The following TMEM132D variants were observed in gnomAD, a reference collection of about 807,000 sequenced individuals.
TMEM132D encodes transmembrane protein 132D.
Under a neutral mutation model 62.3 loss-of-function variants are expected in TMEM132D, and 21 were observed. That is an observed-to-expected ratio of 0.34 (90% confidence interval 0.24 to 0.49). TMEM132D has a LOEUF of 0.49. Among genes scored for constraint, TMEM132D ranks in the 20% least tolerant of loss-of-function variants. The pLI, the probability that TMEM132D is intolerant of heterozygous loss-of-function variation, is 0.99. For synonymous variants in TMEM132D, 621 were observed against 575.6 expected (o/e 1.08, Z -1.13); for missense variants, 1,346 against 1,402.8 (o/e 0.96, Z 0.65).
At chr12:129,846,629 G>C (rs975712102) in intron 1 of TMEM132D, among the ~76,000 whole-genome samples, 2 of 152,116 alleles carry the variant, frequency 1.3e-5, no homozygotes, top group East Asian at 3.9e-4. Flanking sequence ...TCTGTGGCTT[G>C]ATGTTGCTCA....
chr12:129,546,798 C>A (rs1423990187), intron 2 of TMEM132D, among the ~76,000 whole-genome samples: 1 of 149,188 alleles, frequency 6.7e-6, no homozygotes, highest in African/African-American at 2.5e-5. Context: ...GATACTCCGT[C>A]TCAAAAAAAA....
rs868316544 is a variant in TMEM132D at position 129,387,856 on chromosome 12, C to T, written c.1116-50039G>A. Among the ~76,000 whole-genome samples, 386 of 108,836 alleles carry T rather than the reference C, an allele frequency of 3.5e-3. 3 individuals carry two copies. The highest frequency in any genetic ancestry group is 0.013 in the African/African-American group (361 of 27,382). 71.4% of individuals were successfully genotyped at this position (108,836 alleles called of 152,430 possible). A position where few individuals can be genotyped will look rare whatever the true frequency, so the allele number is the denominator to read the frequency against. The stretch of plus-strand genomic sequence containing the variant: ...CTAACACCGACATCAATACTAACAC[C>T]AACACCAATCCAGCACTGATAATAA... On this transcript the variant is annotated intron_variant, in intron 3 of 8. Coordinates refer to ENST00000422113, the MANE Select transcript of TMEM132D (RefSeq NM_133448.3).
intron 1 of TMEM132D, among the ~76,000 whole-genome samples, chr12:129,822,002 A>T (rs190811862): frequency 2.0e-5 from 3 of 152,300 alleles, no homozygotes; most frequent in African/African-American, 7.2e-5. Context: ...ATAATAGTGC[A>T]AAAGACAGAC....
At chr12:129,328,318 C>A (rs1371163131) in intron 4 of TMEM132D, among the ~76,000 whole-genome samples, 1 of 152,228 alleles carries the variant, frequency 6.6e-6, no homozygotes, top group Non-Finnish European at 1.5e-5. Context: ...GTGCCCAGCA[C>A]AAAGTGAGCT....
At chr12:129,091,227 C>T (rs548554792) in intron 5 of TMEM132D, among the ~76,000 whole-genome samples, 2 of 149,524 alleles carry the variant, frequency 1.3e-5, no homozygotes, top group South Asian at 2.1e-4. Flanking sequence ...CTTCCGTTCA[C>T]TTGGGCTCTG....
At chr12:129,778,763 T>C (rs1332786634) in intron 1 of TMEM132D, among the ~76,000 whole-genome samples, 1 of 152,168 alleles carries the variant, frequency 6.6e-6, no homozygotes, top group Non-Finnish European at 1.5e-5. Flanking sequence ...ATAATCCTAA[T>C]ACTGTGGTGC....
intron 4 of TMEM132D, among the ~76,000 whole-genome samples, chr12:129,264,451 C>G (rs1003520240): frequency 1.3e-5 from 2 of 152,190 alleles, no homozygotes; most frequent in African/African-American, 2.4e-5. Context: ...GATCAGGGAA[C>G]ACTTCTACAC....
chr12:129,134,101 T>C (rs1412178007), intron 5 of TMEM132D, among the ~76,000 whole-genome samples: 1 of 136,554 alleles, frequency 7.3e-6, no homozygotes, highest in African/African-American at 2.7e-5. Context: ...TGTGTGTGTG[T>C]TGTGTGTCTG....
intron 4 of TMEM132D, among the ~76,000 whole-genome samples, chr12:129,278,153 T>C (rs1244646789): frequency 6.6e-6 from 1 of 152,186 alleles, no homozygotes; most frequent in African/African-American, 2.4e-5. Context: ...AAACGATGAA[T>C]GTGCATTGAT....
chr12:129,797,250 G>C (rs1212889664), intron 1 of TMEM132D, among the ~76,000 whole-genome samples: 1 of 152,110 alleles, frequency 6.6e-6, no homozygotes, highest in Non-Finnish European at 1.5e-5. Flanking sequence ...CTCCCGGGAG[G>C]GCTACCCACA....
At chr12:129,735,790 G>C (rs1342930701) in intron 1 of TMEM132D, among the ~76,000 whole-genome samples, 1 of 151,976 alleles carries the variant, frequency 6.6e-6, no homozygotes, top group African/African-American at 2.4e-5. Context: ...GTGAGGGGAG[G>C]GTATCAAGGA....
intron 3 of TMEM132D, among the ~76,000 whole-genome samples, chr12:129,523,201 A>G (rs1208327798): frequency 6.6e-6 from 1 of 152,220 alleles, no homozygotes. Flanking sequence ...AGTTTTCTAC[A>G]TGGAATGTCA....
rs80026775 is a variant in TMEM132D, at chr12:129,562,946, C to A, written c.969-31741G>T. On this transcript the variant is annotated intron_variant, in intron 2 of 8. Coordinates refer to ENST00000422113, the MANE Select transcript of TMEM132D (RefSeq NM_133448.3). ...CTCCAGTAGAACTCTGTAGATAATT[C>A]TATTACGGCACCTACCATCTTGTGC... Among the ~76,000 whole-genome samples the A allele has an allele frequency of 5.3e-3, 800 of 152,300 alleles. 5 individuals are homozygous for A. The highest frequency in any genetic ancestry group is 0.018 in the African/African-American group (765 of 41,570).
intron 2 of TMEM132D, among the ~76,000 whole-genome samples, chr12:129,646,833 C>A (rs1232235748): frequency 7.1e-6 from 1 of 140,076 alleles, no homozygotes; most frequent in African/African-American, 2.7e-5. Context: ...GAGTTTTGCT[C>A]TTGTCACCCA....
chr12:129,647,011 G>A (rs1477921699), intron 2 of TMEM132D, among the ~76,000 whole-genome samples: 1 of 151,636 alleles, frequency 6.6e-6, no homozygotes, highest in Non-Finnish European at 1.5e-5. Context: ...TGTTGGCCAG[G>A]CTGGTCTCAA....
chr12:129,712,568 G>A (rs1000167211), intron 1 of TMEM132D, among the ~76,000 whole-genome samples: 2 of 152,224 alleles, frequency 1.3e-5, no homozygotes, highest in Non-Finnish European at 2.9e-5. Context: ...GTGCAGTGCA[G>A]TGGAACGGGG....
At chr12:129,682,747 T>C (rs1204007605) in intron 2 of TMEM132D, 2 of 150,588 alleles carry the variant, frequency 1.3e-5, no homozygotes, top group Non-Finnish European at 2.9e-5. Context: ...TAGTCCCAGC[T>C]ACTCGGGAGG....
intron 1 of TMEM132D, among the ~76,000 whole-genome samples, chr12:129,888,986 T>C (rs138210568): frequency 1.3e-5 from 2 of 152,220 alleles, no homozygotes; most frequent in Non-Finnish European, 2.9e-5. Flanking sequence ...TATGGTCTTA[T>C]AAGAGGCAGG....
At chr12:129,360,982 A>G (rs1302037919) in intron 3 of TMEM132D, among the ~76,000 whole-genome samples, 2 of 152,176 alleles carry the variant, frequency 1.3e-5, no homozygotes, top group Admixed American at 1.3e-4. Context: ...GCTCTTATCT[A>G]GAAACACAAA....
Sources: allele counts gnomAD v4.1 joint callset (sites outside exome capture counted in the v4.1 genomes callset), GRCh38; gene constraint gnomAD v4.1.1; transcripts MANE v1.5; gene names NCBI Gene and HGNC (gene_info 2026-07-23, HGNC 2026-07-21).